ZNF385D: variants seen among roughly 807,000 people sequenced by gnomAD.
ZNF385D encodes the protein zinc finger protein 659.
A neutral mutation model predicts 35.8 loss-of-function variants in ZNF385D; 15 were observed. The ratio of observed to expected loss-of-function variants is 0.42; its 90% confidence interval spans 0.28 to 0.64. The LOEUF (loss-of-function observed/expected upper bound fraction) is 0.64. Ranked by LOEUF, ZNF385D falls within the 30% of genes least tolerant of loss-of-function variation. ZNF385D has a pLI of 0.23. For missense variants in ZNF385D, 474 were observed against 494.6 expected (o/e 0.96, Z 0.39); for synonymous variants, 212 against 186.8 (o/e 1.13, Z -1.10).
chr3:22,212,493 A>T (rs905480683), intron 2 of ZNF385D, among the ~76,000 whole-genome samples: 1 of 152,082 alleles, frequency 6.6e-6, no homozygotes, highest in African/African-American at 2.4e-5. Flanking sequence ...GAAGCACGTT[A>T]GCAACGTTTC....
In ZNF385D at chr3:22,258,769, G is replaced by T. The variant is rs1289971402; in HGVS notation, c.107-89734C>A. On this transcript the variant is annotated intron_variant, in intron 2 of 5. Transcript: ENST00000494108. ...TTAAAAATATAATTATAGATTATTT[G>T]CATGTTAAAATAACATGTTTTATAA... Among the ~76,000 whole-genome samples, 6 of 151,600 alleles carry T rather than the reference G, an allele frequency of 4.0e-5. No homozygotes were observed. In the East Asian group the frequency reaches 1.2e-3, roughly 29 times the overall value.
At chr3:21,977,532 C>T (rs1224349123) in intron 3 of ZNF385D, among the ~76,000 whole-genome samples, 1 of 152,036 alleles carries the variant, frequency 6.6e-6, no homozygotes. Flanking sequence ...TAAAAGACTA[C>T]TCAGGGCCTG....
In ZNF385D at chr3:21,677,338, C is replaced by T. The variant is rs566260365; in HGVS notation, c.23-12310G>A. Among the ~76,000 whole-genome samples the T allele has an allele frequency of 6.2e-4, 94 of 152,098 alleles. No homozygotes were observed. In the South Asian group the frequency reaches 0.019, roughly 31 times the overall value. On this transcript the variant is annotated intron_variant, in intron 1 of 7. Coordinates refer to ENST00000281523, the MANE Select transcript of ZNF385D (RefSeq NM_024697.3). Reference sequence around the variant, plus strand: ...CTGGTTGACATCATCATGTTCTCACCCTCTTGTGAATTGCAGCCTAAATAT... The same window carrying T: ...CTGGTTGACATCATCATGTTCTCACTCTCTTGTGAATTGCAGCCTAAATAT...
chr3:21,826,835 A>C (rs1266402237), intron 3 of ZNF385D, among the ~76,000 whole-genome samples: 7 of 152,070 alleles, frequency 4.6e-5, no homozygotes, highest in South Asian at 2.1e-4. Flanking sequence ...AAAAAAAAAA[A>C]AAAACTCTCC....
intron 2 of ZNF385D, among the ~76,000 whole-genome samples, chr3:22,245,495 A>T (rs1181441506): frequency 6.9e-6 from 1 of 144,368 alleles, no homozygotes; most frequent in Admixed American, 6.9e-5. Flanking sequence ...AAAAAAAAAA[A>T]ATACAAACCC....
intron 3 of ZNF385D, among the ~76,000 whole-genome samples, chr3:21,867,588 T>A (rs928724464): frequency 1.3e-5 from 2 of 152,208 alleles, no homozygotes; most frequent in African/African-American, 4.8e-5. Context: ...ACTCTATTTA[T>A]GTTTACATTT....
intron 2 of ZNF385D, among the ~76,000 whole-genome samples, chr3:22,190,801 A>G (rs752312469): frequency 2.6e-5 from 4 of 152,136 alleles, no homozygotes; most frequent in Non-Finnish European, 5.9e-5. Flanking sequence ...TCCTCTTTAC[A>G]CTAGATAGAT....
chr3:21,435,255 A>ATTTTTTTT (rs3064965), intron 5 of ZNF385D, among the ~76,000 whole-genome samples: 3 of 113,410 alleles, frequency 2.6e-5, no homozygotes, highest in African/African-American at 3.4e-5. Flanking sequence ...ACAACTCCCA[A>ATTTTTTTT]TTTTTTTTTT....
In ZNF385D at chr3:21,465,094, AC is replaced by A. The variant is rs1703433627; in HGVS notation, c.440-27892del. Among the ~76,000 whole-genome samples, 1 of 152,200 alleles carries A rather than the reference AC, an allele frequency of 6.6e-6. No individual in the cohort carries two copies. The highest frequency in any genetic ancestry group is 2.4e-5 in the African/African-American group (1 of 41,452). ...CCAGGTACTTTACATCTTGTTTTCA[AC>A]AGATTTCCAAAGCTGTCTCTGTCTA... is the stretch of plus-strand genomic sequence containing the variant. On this transcript the variant is annotated intron_variant, in intron 4 of 7. Coordinates refer to ENST00000281523, the MANE Select transcript of ZNF385D (RefSeq NM_024697.3). This position sits in a 1 kb window ranked among gnomAD's most constrained non-coding sequence, Gnocchi z 4.2.
intron 4 of ZNF385D, among the ~76,000 whole-genome samples, chr3:21,475,167 G>A (rs919171347): frequency 1.3e-5 from 2 of 151,868 alleles, no homozygotes; most frequent in African/African-American, 4.8e-5. Flanking sequence ...AATTATTTAT[G>A]TTATACAGTG....
intron 4 of ZNF385D, among the ~76,000 whole-genome samples, chr3:21,463,537 T>C (rs751500476): frequency 4.6e-5 from 7 of 152,058 alleles, no homozygotes; most frequent in Non-Finnish European, 1.0e-4. Flanking sequence ...CAGAGCCAAG[T>C]GTCAGGGTGG....
At chr3:21,797,939 T>C (rs893487354) in intron 3 of ZNF385D, among the ~76,000 whole-genome samples, 10 of 152,224 alleles carry the variant, frequency 6.6e-5, no homozygotes, top group Admixed American at 1.3e-4. Context: ...TATACCATTA[T>C]ACATTTGTCT....
At chr3:21,425,875 G>A (rs181821460) in intron 5 of ZNF385D, among the ~76,000 whole-genome samples, 2 of 152,130 alleles carry the variant, frequency 1.3e-5, no homozygotes, top group Non-Finnish European at 2.9e-5. Context: ...CTGTAACAAT[G>A]TGCTTTCATC....
At chr3:22,010,224 A>G (rs142979040) in intron 3 of ZNF385D, among the ~76,000 whole-genome samples, 2 of 152,344 alleles carry the variant, frequency 1.3e-5, no homozygotes, top group Non-Finnish European at 2.9e-5. Context: ...TGAAAGGCAG[A>G]AGCATAAAAC....
intron 2 of ZNF385D, among the ~76,000 whole-genome samples, chr3:22,339,924 C>T (rs1695347868): frequency 6.6e-6 from 1 of 152,204 alleles, no homozygotes; most frequent in Non-Finnish European, 1.5e-5. Context: ...CCTCTGAGCC[C>T]TTCTCTGTAC....
At chr3:22,313,945 T>A (rs990817564) in intron 2 of ZNF385D, among the ~76,000 whole-genome samples, 1 of 152,156 alleles carries the variant, frequency 6.6e-6, no homozygotes, top group African/African-American at 2.4e-5. Flanking sequence ...TCAGTTATCC[T>A]ATTGCTTTGG....
At chr3:22,080,635 T>G (rs114463897) in intron 3 of ZNF385D, among the ~76,000 whole-genome samples, 2,173 of 152,184 alleles carry the variant, frequency 0.014, 48 homozygotes, top group African/African-American at 0.049. Flanking sequence ...GTATCCATTT[T>G]ATATATGAAA....
chr3:22,048,597 G>A (rs970420607), intron 3 of ZNF385D, among the ~76,000 whole-genome samples: 2 of 152,042 alleles, frequency 1.3e-5, no homozygotes, highest in African/African-American at 2.4e-5. Context: ...GTGTTCTATT[G>A]GCCTATGTGT....
chr3:22,261,092 TATCCATCCATCC>T (rs151146640), intron 2 of ZNF385D, among the ~76,000 whole-genome samples: 3,089 of 150,650 alleles, frequency 0.021, 97 homozygotes, highest in African/African-American at 0.07. Flanking sequence ...TACAACTATC[TATCCATCCATCC>T]ATCCATCCAT....
Sources: allele counts gnomAD v4.1 joint callset (sites outside exome capture counted in the v4.1 genomes callset), GRCh38; gene constraint gnomAD v4.1.1; non-coding constraint Gnocchi (gnomAD v3.1); transcripts MANE v1.5; gene names NCBI Gene and HGNC (gene_info 2026-07-23, HGNC 2026-07-21).